The following GATD3 variants were observed in gnomAD, a reference collection of about 807,000 sequenced individuals.
GATD3 encodes glutamine amidotransferase class 1 domain containing 3, also known as glutamine amidotransferase-like class 1 domain-containing protein 3, mitochondrial.
the GATD3 span, among the ~76,000 whole-genome samples, chr21:44,139,953 CAG>C: frequency 9.6e-6 from 1 of 104,202 alleles, no homozygotes; most frequent in East Asian, 3.2e-4. Flanking sequence ...AGCCGGAAAC[CAG>C]CGTCTGAGTC....
the GATD3 span, among the ~76,000 whole-genome samples, chr21:44,142,663 C>T: frequency 2.6e-5 from 2 of 75,668 alleles, 1 homozygote; most frequent in African/African-American, 5.8e-5. Flanking sequence ...GGGTCAGGGG[C>T]GTGCGTCCAC....
At chr21:44,139,903 ACGT>A in the GATD3 span, among the ~76,000 whole-genome samples, 51 of 132,242 alleles carry the variant, frequency 3.9e-4, no homozygotes, top group African/African-American at 1.3e-3. Context: ...GACACAGCCA[ACGT>A]CGTAACAGAA....
chr21:44,140,007 TC>T, the GATD3 span, among the ~76,000 whole-genome samples: 1 of 94,036 alleles, frequency 1.1e-5, no homozygotes, highest in East Asian at 3.5e-4. Flanking sequence ...TCCGGAAGGT[TC>T]CAGGGCGTGG....
At chr21:44,139,876 G>A in the GATD3 span, among the ~76,000 whole-genome samples, 1 of 141,136 alleles carries the variant, frequency 7.1e-6, no homozygotes, top group African/African-American at 2.5e-5. Context: ...GGGAAGGTCA[G>A]AGGCTGCCCG....
At chr21:44,139,651 C>A in the GATD3 span, among the ~76,000 whole-genome samples, 1 of 74,092 alleles carries the variant, frequency 1.3e-5, no homozygotes. Context: ...TGACACATAC[C>A]GGTAAACTGT....
At chr21:44,137,865 T>G in the GATD3 span, among the ~76,000 whole-genome samples, 1 of 37,316 alleles carries the variant, frequency 2.7e-5, no homozygotes, top group African/African-American at 5.6e-5. Context: ...CCCATGGTTT[T>G]GTTTTTTTTT....
the GATD3 span, among the ~76,000 whole-genome samples, chr21:44,143,935 ACCAAGAACACCAGCGGGGCTGTTG>A: frequency 0.054 from 3,049 of 56,728 alleles, 603 homozygotes; most frequent in African/African-American, 0.11. Flanking sequence ...GAGATGATGG[ACCAAGAACACCAGCGGGGCTGTTG>A]CCCAGGGAGA....
the GATD3 span, among the ~76,000 whole-genome samples, chr21:44,142,825 G>A: frequency 1.7e-5 from 1 of 58,458 alleles, no homozygotes; most frequent in East Asian, 5.4e-4. Context: ...ACAACTCAGG[G>A]CTGGGGCAGC....
At chr21:44,141,487 TCTC>T in the GATD3 span, 1 of 7,916 alleles carries the variant, frequency 1.3e-4, no homozygotes, top group South Asian at 3.9e-4. Flanking sequence ...CGCAAGCCCA[TCTC>T]CTCCCCAATC....
the GATD3 span, among the ~76,000 whole-genome samples, chr21:44,139,966 TC>T: frequency 1.0e-5 from 1 of 96,394 alleles, no homozygotes; most frequent in East Asian, 3.5e-4. Flanking sequence ...CGTCTGAGTC[TC>T]AGCACCGCAG....
the GATD3 span, among the ~76,000 whole-genome samples, chr21:44,139,765 C>T: frequency 7.8e-6 from 1 of 128,596 alleles, no homozygotes; most frequent in African/African-American, 2.6e-5. Context: ...CAGCATTCTC[C>T]CCCGGGGAGT....
chr21:44,139,768 C>CG, the GATD3 span, among the ~76,000 whole-genome samples: 3 of 130,312 alleles, frequency 2.3e-5, no homozygotes, highest in Non-Finnish European at 3.5e-5. Flanking sequence ...CATTCTCCCC[C>CG]GGGGAGTGGG....
At chr21:44,139,596 C>T in the GATD3 span, among the ~76,000 whole-genome samples, 4 of 73,626 alleles carry the variant, frequency 5.4e-5, 2 homozygotes, top group Non-Finnish European at 1.8e-4. Context: ...CCCGGGGTAG[C>T]GTCCGATCGC....
At chr21:44,145,500 CCTGCTGAGA>C in the GATD3 span, 2 of 132,014 alleles carry the variant, frequency 1.5e-5, 1 homozygote, top group Non-Finnish European at 3.0e-5. Context: ...ACATTTCAGA[CCTGCTGAGA>C]CTGCTGAGTG....
At chr21:44,142,683 C>T in the GATD3 span, among the ~76,000 whole-genome samples, 7 of 76,170 alleles carry the variant, frequency 9.2e-5, 1 homozygote, top group African/African-American at 2.0e-4. Flanking sequence ...CCAGCCTGCA[C>T]TTGTTGAGAG....
At chr21:44,139,957 GTC>G in the GATD3 span, among the ~76,000 whole-genome samples, 1 of 102,124 alleles carries the variant, frequency 9.8e-6, no homozygotes, top group East Asian at 3.3e-4. Flanking sequence ...GGAAACCAGC[GTC>G]TGAGTCTCAG....
chr21:44,140,025 T>TC, the GATD3 span, among the ~76,000 whole-genome samples: 1 of 93,540 alleles, frequency 1.1e-5, no homozygotes, highest in African/African-American at 3.3e-5. Flanking sequence ...GTGGGCCCTC[T>TC]CGCCCTGGTG....
the GATD3 span, among the ~76,000 whole-genome samples, chr21:44,139,522 G>T: frequency 6.7e-4 from 46 of 69,090 alleles, 16 homozygotes; most frequent in Admixed American, 2.4e-3. Context: ...TGGGTGTGAA[G>T]GGTCTTCCCC....
the GATD3 span, among the ~76,000 whole-genome samples, chr21:44,142,600 G>A: frequency 2.6e-5 from 2 of 76,058 alleles, 1 homozygote; most frequent in Non-Finnish European, 8.8e-5. Context: ...GCAGGTCCCA[G>A]GGGTGGGTGT....
Sources: allele counts gnomAD v4.1 joint callset (sites outside exome capture counted in the v4.1 genomes callset), GRCh38; gene constraint gnomAD v4.1.1; transcripts MANE v1.5; gene names NCBI Gene and HGNC (gene_info 2026-07-23, HGNC 2026-07-21).